The following SLC2A12 variants were observed in gnomAD, a reference collection of about 807,000 sequenced individuals.
SLC2A12 encodes the protein solute carrier family 2 member 12.
In SLC2A12, 23 loss-of-function variants were observed where a neutral mutation model predicts 41.8. That is an observed-to-expected ratio of 0.55 (90% CI 0.40 to 0.78). The LOEUF is 0.78. SLC2A12 is among the 30% of genes least tolerant of loss of function. The pLI, the probability that SLC2A12 is intolerant of heterozygous loss-of-function variation, is 0.00. For missense variants in SLC2A12, 654 were observed against 745.6 expected, an observed-to-expected ratio of 0.88 and a Z score of 1.43; for synonymous variants, 295 against 285.9, an observed-to-expected ratio of 1.03 and a Z score of -0.32.
intron 1 of SLC2A12, among the ~76,000 whole-genome samples, chr6:134,050,702 C>G (rs1049152767): frequency 6.6e-6 from 1 of 152,148 alleles, no homozygotes; most frequent in Non-Finnish European, 1.5e-5. Flanking sequence ...CTTTTGTTAA[C>G]ATCACCACCT....
At chr6:134,018,366 A>G (rs1776994218) in intron 2 of SLC2A12, among the ~76,000 whole-genome samples, 1 of 152,222 alleles carries the variant, frequency 6.6e-6, no homozygotes, top group Admixed American at 6.5e-5. Flanking sequence ...ACTGAAAGCT[A>G]GAGAGATCAA....
intron 2 of SLC2A12, among the ~76,000 whole-genome samples, chr6:134,018,280 G>A (rs1324620195): frequency 6.6e-6 from 1 of 152,036 alleles, no homozygotes; most frequent in African/African-American, 2.4e-5. Flanking sequence ...ACTGAACTAG[G>A]GGCACTTTAT....
intron 1 of SLC2A12, among the ~76,000 whole-genome samples, chr6:134,040,064 TTTTTTTTGTTTTTTGTTTTTTG>T (rs761652937): frequency 9.5e-5 from 13 of 136,858 alleles, no homozygotes; most frequent in Non-Finnish European, 3.0e-5. Context: ...TTTTGTTTTT[TTTTTTTTGTTTTTTGTTTTTTG>T]TTTTTTTTGA....
chr6:134,014,547 A>G (rs571196679), intron 2 of SLC2A12, among the ~76,000 whole-genome samples: 18 of 152,362 alleles, frequency 1.2e-4, no homozygotes, highest in African/African-American at 4.1e-4. Context: ...TTGATGTTGT[A>G]CATTTTTCAT....
chr6:134,001,606 T>A (rs566982369), intron 4 of SLC2A12, among the ~76,000 whole-genome samples: 1 of 152,308 alleles, frequency 6.6e-6, no homozygotes, highest in Non-Finnish European at 1.5e-5. Context: ...GTCATAGTAA[T>A]GAATAATAGC....
intron 1 of SLC2A12, among the ~76,000 whole-genome samples, chr6:134,051,223 G>A (rs1045854950): frequency 1.3e-5 from 2 of 152,252 alleles, no homozygotes; most frequent in Admixed American, 6.5e-5. Context: ...ACCACGCCCG[G>A]CCTCATTCTT....
intron 1 of SLC2A12, among the ~76,000 whole-genome samples, chr6:134,040,867 A>G (rs1777373157): frequency 6.6e-6 from 1 of 152,220 alleles, no homozygotes; most frequent in Non-Finnish European, 1.5e-5. Context: ...GTAGAAAATC[A>G]GAGGGGAGTT....
chr6:134,052,539 C>G lies in SLC2A12; in HGVS notation c.-59G>C, dbSNP rs1377593630. 12 of 1,346,936 alleles carry G rather than the reference C, an allele frequency of 8.9e-6. No individual in the cohort carries two copies. Among genetic ancestry groups the G allele is most frequent in the Non-Finnish European group, 1.2e-5 (11 of 947,278 alleles). The allele number at this position is 1,346,936 out of a possible 1,614,324, so 83.4% of individuals were successfully genotyped here. ...CCAAACCGCCCCGACCACCCCCGCT[C>G]CCAGGAGTGGTCACTTTCCCCATAA... On this transcript the variant is annotated 5_prime_UTR_variant, in exon 1 of 5. Coordinates refer to ENST00000275230, the MANE Select transcript of SLC2A12 (RefSeq NM_145176.3).
chr6:134,039,481 T>C (rs1394856110), intron 1 of SLC2A12, among the ~76,000 whole-genome samples: 1 of 152,234 alleles, frequency 6.6e-6, no homozygotes, highest in Admixed American at 6.5e-5. Context: ...AATAGAAATC[T>C]TAGAATGCAT....
chr6:134,003,333 G>C (rs562895869), intron 3 of SLC2A12, among the ~76,000 whole-genome samples: 18 of 152,266 alleles, frequency 1.2e-4, no homozygotes, highest in East Asian at 1.2e-3. Context: ...AGAATTGGGT[G>C]TCCTTCCTTC....
chr6:134,051,123 G>A (rs1019030939), intron 1 of SLC2A12, among the ~76,000 whole-genome samples: 1 of 151,972 alleles, frequency 6.6e-6, no homozygotes, highest in African/African-American at 2.4e-5. Flanking sequence ...TAGGGTTTCC[G>A]CTCTGTTGGC....
chr6:134,001,038 C>A (rs1008873931), intron 4 of SLC2A12, among the ~76,000 whole-genome samples: 12 of 151,962 alleles, frequency 7.9e-5, no homozygotes, highest in Non-Finnish European at 1.6e-4. Flanking sequence ...CTTCCGGGAC[C>A]CACCCCAAAC....
At chr6:133,992,719 G>A (rs1776639806) in intron 4 of SLC2A12, among the ~76,000 whole-genome samples, 1 of 152,158 alleles carries the variant, frequency 6.6e-6, no homozygotes, top group Admixed American at 6.5e-5. Context: ...AGGAAGCAGG[G>A]TAAGGAAGGA....
intron 4 of SLC2A12, among the ~76,000 whole-genome samples, chr6:133,995,680 G>A (rs1776678857): frequency 1.3e-5 from 2 of 152,198 alleles, no homozygotes; most frequent in South Asian, 2.1e-4. Context: ...CAGCTGGATG[G>A]CTGCAGACAC....
intron 4 of SLC2A12, among the ~76,000 whole-genome samples, chr6:133,991,538 C>CA (rs1776624418): frequency 6.6e-6 from 1 of 152,140 alleles, no homozygotes; most frequent in Admixed American, 6.6e-5. Flanking sequence ...TCCCAGCAGT[C>CA]AGCTCTGTGG....
chr6:133,992,215 G>A (rs1776633289), intron 4 of SLC2A12, among the ~76,000 whole-genome samples: 2 of 152,174 alleles, frequency 1.3e-5, no homozygotes, highest in South Asian at 2.1e-4. Context: ...ATAGGAGGGG[G>A]AAATTGATGC....
chr6:134,027,057 G>A (rs965270095), intron 2 of SLC2A12, among the ~76,000 whole-genome samples: 1 of 152,196 alleles, frequency 6.6e-6, no homozygotes, highest in African/African-American at 2.4e-5. Context: ...CAAACCTGCT[G>A]GTTGCTGACC....
At chr6:133,998,678 C>T (rs1776722146) in intron 4 of SLC2A12, among the ~76,000 whole-genome samples, 1 of 152,196 alleles carries the variant, frequency 6.6e-6, no homozygotes. Flanking sequence ...GTGGCTGGGA[C>T]TACAGGCGCA....
chr6:134,032,644 A>G (rs1358059655), intron 1 of SLC2A12, among the ~76,000 whole-genome samples: 3 of 146,806 alleles, frequency 2.0e-5, no homozygotes, highest in Non-Finnish European at 4.5e-5. Context: ...CACTTCCTTT[A>G]CTACTGATAC....
Sources: gnomAD v4.1 joint callset for allele counts (sites outside exome capture counted in the v4.1 genomes callset) on GRCh38, gnomAD v4.1.1 for gene constraint, MANE v1.5 for transcripts, NCBI Gene and HGNC (gene_info 2026-07-23, HGNC 2026-07-21) for gene names.